The following AFAP1L2 variants were observed in gnomAD, a reference collection of about 807,000 sequenced individuals.
AFAP1L2 encodes the protein actin filament-associated protein 1-like 2.
In AFAP1L2, 46 loss-of-function variants were observed where a neutral mutation model predicts 99.3. The observed-to-expected ratio is 0.46, with a 90% CI of 0.37 to 0.59. AFAP1L2 has a LOEUF of 0.59. AFAP1L2 is among the 20% of genes least tolerant of loss of function. The pLI, the probability that AFAP1L2 is intolerant of heterozygous loss-of-function variation, is 0.00. For synonymous variants in AFAP1L2, 397 were observed against 419.1 expected (o/e 0.95, Z 0.64); for missense variants, 959 against 1,034.9 (o/e 0.93, Z 1.01).
intron 1 of AFAP1L2, among the ~76,000 whole-genome samples, chr10:114,383,004 A>G (rs2055913138): frequency 1.3e-5 from 2 of 152,230 alleles, no homozygotes; most frequent in Admixed American, 1.3e-4. Context: ...TGACTGGATC[A>G]TTACACTTTC....
chr10:114,293,251 T>C (rs2039764822), downstream of AFAP1L2, among the ~76,000 whole-genome samples: 3 of 152,348 alleles, frequency 2.0e-5, no homozygotes, highest in African/African-American at 7.2e-5. Context: ...CGGGGCAGGA[T>C]CACATGCTCC....
At chr10:114,296,513 T>C (rs1326862564) in intron 18 of AFAP1L2, 2 of 220,116 alleles carry the variant, frequency 9.1e-6, no homozygotes, top group Non-Finnish European at 1.8e-5. Context: ...AACCGCATCA[T>C]AGCATGGATT....
At chr10:114,353,251 G>A (rs553149777) in intron 1 of AFAP1L2, among the ~76,000 whole-genome samples, 3 of 152,280 alleles carry the variant, frequency 2.0e-5, no homozygotes, top group South Asian at 2.1e-4. Flanking sequence ...GAAACAGTCC[G>A]CCTGAGGAGG....
At chr10:114,382,590 T>TCTC (rs61240618) in intron 1 of AFAP1L2, among the ~76,000 whole-genome samples, 2 of 122,760 alleles carry the variant, frequency 1.6e-5, no homozygotes, top group South Asian at 5.4e-4. Context: ...TTTCTTCTCT[T>TCTC]TTTTTTTTTT....
Position 114,300,652 on chromosome 10 carries a change from G to T in AFAP1L2, c.1581C>A (p.Asp527Glu), listed in dbSNP as rs778280707. 2.5e-6 allele frequency: 4 copies of T among 1,609,630 alleles called. No homozygotes were observed. The South Asian group carries it at 4.4e-5, about 18-fold the overall frequency. ...CTCGGTCAGATTCTCTCTCATTTGG[G>T]TCATCTGCAACAGGGGTGGCTTCCT... is the stretch of plus-strand genomic sequence containing the variant. ...PTEEATPVAD[D>E]PNERESDRVY... Residue 527 changes from aspartate (D) to glutamate (E), a missense_variant, in exon 14 of 19, where the codon GAC becomes GAA. Asp to Glu is a conservative substitution (Grantham distance 45). Around this residue, in one of 2 missense-constraint regions of AFAP1L2, gnomAD observed 576 missense variants for 562.1 expected, o/e 1.02. Transcript: ENST00000304129.
In AFAP1L2 at chr10:114,370,591, C is replaced by G. The variant is rs1460505913; in HGVS notation, c.17-29860G>C. On this transcript the variant is annotated intron_variant, in intron 1 of 18. Transcript: ENST00000304129. ...TGCCCCGTGTATTTTCTTGCACTTA[C>G]CTTAAGCCAGATGTTTTTTGGGCAG... is the stretch of plus-strand genomic sequence containing the variant. 2.6e-5 allele frequency among the ~76,000 whole-genome samples: 4 copies of G among 152,218 alleles called. No homozygotes were observed. The South Asian group carries it at 8.3e-4, about 32-fold the overall frequency.
rs557169460 is a variant in AFAP1L2, at chr10:114,371,421, T to C, written c.17-30690A>G. On this transcript the variant is annotated intron_variant, in intron 1 of 18. Transcript: ENST00000304129. The stretch of plus-strand genomic sequence containing the variant: ...TTGTAAACACTGATTCTGAAGAAAG[T>C]AGACTGGCAGGGCAAAGCCCCCTCA... Among the ~76,000 whole-genome samples the C allele has an allele frequency of 3.3e-5, 5 of 152,102 alleles. No homozygotes were observed. The East Asian group carries it at 9.7e-4, about 29-fold the overall frequency.
chr10:114,365,010 C>T (rs1284175741), intron 1 of AFAP1L2, among the ~76,000 whole-genome samples: 1 of 152,228 alleles, frequency 6.6e-6, no homozygotes, highest in Non-Finnish European at 1.5e-5. Flanking sequence ...GAGCCAGAGT[C>T]CGGGGGCATA....
chr10:114,328,466 G>A (rs1480870736), intron 4 of AFAP1L2, among the ~76,000 whole-genome samples: 6 of 152,262 alleles, frequency 3.9e-5, no homozygotes, highest in South Asian at 2.1e-4. Flanking sequence ...AGGAAGGGCG[G>A]GTTTTCTGTC....
At chr10:114,364,862 C>G (rs1388466467) in intron 1 of AFAP1L2, among the ~76,000 whole-genome samples, 1 of 152,130 alleles carries the variant, frequency 6.6e-6, no homozygotes, top group East Asian at 1.9e-4. Flanking sequence ...GGAGGGGGAG[C>G]CTTCTGAGTC....
At position 114,297,004 on chromosome 10, in the gene AFAP1L2, T is replaced by G. The variant is rs1564767486; in HGVS notation, c.2404A>C (p.Lys802Gln). The change falls in exon 18 of 19, where the codon AAA becomes CAA. Residue 802 changes from lysine to glutamine, a missense_variant. This residue lies in a region of AFAP1L2 where 576 missense variants were observed against 562.1 expected (regional missense o/e 1.02). Coordinates refer to ENST00000304129, the MANE Select transcript of AFAP1L2 (RefSeq NM_001001936.3). The part of the protein sequence containing the change: ...NRPLSVVVTG[K>Q]GTVLQKAKEW... ...TTGGCTTTCTGGAGTACAGTGCCTT[T>G]GCCTGTGACCACGACCGAGAGAGGC... is the stretch of plus-strand genomic sequence containing the variant. 6.2e-7 allele frequency: 1 copy of G among 1,614,150 alleles called. No homozygotes were observed.
intron 1 of AFAP1L2, among the ~76,000 whole-genome samples, chr10:114,395,364 C>A (rs926208564): frequency 1.3e-5 from 2 of 152,144 alleles, no homozygotes; most frequent in African/African-American, 4.8e-5. Flanking sequence ...ATGGCCCAAG[C>A]AAACTTGCCA....
chr10:114,360,485 C>CTAGATAGATAGATAGATAGATAGA (rs367617609), intron 1 of AFAP1L2, among the ~76,000 whole-genome samples: 2,845 of 124,308 alleles, frequency 0.023, 88 homozygotes, highest in South Asian at 0.033. Flanking sequence ...ATCTCAATAT[C>CTAGATAGATAGATAGATAGATAGA]TAGATAGATA....
Position 114,308,366 on chromosome 10 carries a change from G to A in AFAP1L2, c.967+67C>T, listed in dbSNP as rs934164576. 2.1e-6 allele frequency: 3 copies of A among 1,424,400 alleles called. No homozygotes were observed. The African/African-American group carries it at 4.2e-5, about 20-fold the overall frequency. 88.2% of individuals were successfully genotyped at this position (1,424,400 alleles called of 1,614,324 possible). A position where few individuals can be genotyped will look rare whatever the true frequency, so the allele number is the denominator to read the frequency against. On this transcript the variant is annotated intron_variant, in intron 9 of 18. Coordinates refer to ENST00000304129, the MANE Select transcript of AFAP1L2 (RefSeq NM_001001936.3). ...TAGAATCCGCTGCTAAAACCCATCA[G>A]GGTTGAGCCTGACAGCCCAGCCTCA...
At chr10:114,340,181 C>G (rs1275175887) in intron 2 of AFAP1L2, among the ~76,000 whole-genome samples, 1 of 143,406 alleles carries the variant, frequency 7.0e-6, no homozygotes, top group African/African-American at 2.6e-5. Flanking sequence ...AAAAAAAATA[C>G]AAAAAAAAAA....
chr10:114,288,442 T>C, the AFAP1L2 span, among the ~76,000 whole-genome samples: 1 of 152,198 alleles, frequency 6.6e-6, no homozygotes, highest in Non-Finnish European at 1.5e-5. Flanking sequence ...AAGGCACAGG[T>C]GAAGATGTTG....
intron 8 of AFAP1L2, among the ~76,000 whole-genome samples, 183 bp downstream of exon 8, chr10:114,310,171 C>T (rs181321314): frequency 1.3e-5 from 2 of 152,234 alleles, no homozygotes; most frequent in African/African-American, 4.8e-5. Context: ...AGGTGATCCA[C>T]CTGCCTCAGC....
In AFAP1L2 at chr10:114,377,975, G is replaced by A. The variant is rs780114953; in HGVS notation, c.16+26465C>T. Among the ~76,000 whole-genome samples, 2 of 152,284 alleles carry A rather than the reference G, an allele frequency of 1.3e-5. No homozygotes were observed. The highest frequency in any genetic ancestry group is 2.1e-4 in the South Asian group (1 of 4,828). On this transcript the variant is annotated intron_variant, in intron 1 of 18. Transcript: ENST00000304129. The surrounding 1 kb of genome is among the most constrained non-coding windows in gnomAD (Gnocchi z 4.0). ...GGGTCTTCACTGGTGCCACCCCTACGATAGGCTGTGTCGCTATTTGCCGTA... is the reference window on the plus strand; with the variant it reads ...GGGTCTTCACTGGTGCCACCCCTACAATAGGCTGTGTCGCTATTTGCCGTA...
chr10:114,304,643 G>C (rs2041813443), intron 11 of AFAP1L2, 76 bp downstream of exon 11: 2 of 1,349,614 alleles, frequency 1.5e-6, no homozygotes, highest in Non-Finnish European at 2.0e-6. Context: ...TAGCATTACA[G>C]TCCTGGAGAC....
Sources: gnomAD v4.1 joint callset for allele counts (sites outside exome capture counted in the v4.1 genomes callset) on GRCh38, gnomAD v4.1.1 for gene constraint, gnomAD v4.1.1 regional missense constraint, Gnocchi (gnomAD v3.1) non-coding constraint, MANE v1.5 for transcripts, NCBI Gene and HGNC (gene_info 2026-07-23, HGNC 2026-07-21) for gene names.